Variants in SMG1 observed in about 807,000 individuals in gnomAD.
The protein encoded by SMG1 is serine/threonine-protein kinase SMG1.
In SMG1, 22 loss-of-function variants were observed where a neutral mutation model predicts 419.9. The observed-to-expected ratio is 0.05, with a 90% CI of 0.04 to 0.07. The LOEUF is 0.07. Ranked by LOEUF, SMG1 falls within the 10% of genes least tolerant of loss-of-function variation. SMG1 has a pLI of 1.00. For synonymous variants in SMG1, 1,538 were observed against 1,553.5 expected, an observed-to-expected ratio of 0.99 and a Z score of 0.23; for missense variants, 3,185 against 4,342.0, an observed-to-expected ratio of 0.73 and a Z score of 7.49.
In SMG1 at chr16:18,838,630, G is replaced by A; in HGVS notation, c.7005C>T (p.Asp2335=). 6.2e-7 allele frequency: 1 copy of A among 1,613,636 alleles called. No homozygotes were observed. The highest frequency in any genetic ancestry group is 8.5e-7 in the Non-Finnish European group (1 of 1,179,700). Residue 2335 remains aspartate, a synonymous_variant, in exon 43 of 63, where the codon GAC becomes GAT. Transcript: ENST00000446231. ...SMVGYIIGLG[D]RHLDNVLIDM... ...CTATAAGAACATTATCCAGATGTCT[G>A]TCTCCAAGGCCAATTATGTATCCAA...
At chr16:18,884,047 G>A (rs769981046) in intron 9 of SMG1, 23 bp downstream of exon 9, 1 of 1,164,064 alleles carries the variant, frequency 8.6e-7, no homozygotes, top group South Asian at 1.5e-5. Flanking sequence ...AAAATTTTAA[G>A]AAACAGCTTT....
At chr16:18,844,144 G>A (rs1047482100) in intron 39 of SMG1, among the ~76,000 whole-genome samples, 2 of 151,920 alleles carry the variant, frequency 1.3e-5, no homozygotes, top group Non-Finnish European at 1.5e-5. Flanking sequence ...ACAAGGAAAC[G>A]CAGGCCGGGA....
At chr16:18,905,145 C>T (rs1206702947) in intron 1 of SMG1, among the ~76,000 whole-genome samples, 2 of 151,998 alleles carry the variant, frequency 1.3e-5, no homozygotes, top group Non-Finnish European at 2.9e-5. Context: ...CCTGTAATCC[C>T]AGCTAGTTGG....
At position 18,843,929 on chromosome 16, in the gene SMG1, A is replaced by G. The variant is rs560661083; in HGVS notation, c.6220-1475T>C. On this transcript the variant is annotated intron_variant, in intron 39 of 62. Coordinates refer to ENST00000446231, the MANE Select transcript of SMG1 (RefSeq NM_015092.5). ...TTTTTTTTGAGCTGTACTATATCTA[A>G]AAGAGAGACACAGGTATTCTTAATT... Among the ~76,000 whole-genome samples, 38 of 152,126 alleles carry G rather than the reference A, an allele frequency of 2.5e-4. 1 individual carries two copies. Among genetic ancestry groups the G allele is most frequent in the Non-Finnish European group, 5.0e-4 (34 of 68,014 alleles).
chr16:18,814,063 AAAAAT>A (rs911249827), intron 60 of SMG1, among the ~76,000 whole-genome samples: 7 of 148,192 alleles, frequency 4.7e-5, no homozygotes, highest in Admixed American at 2.0e-4. Flanking sequence ...TAAATTAAAA[AAAAAT>A]AAAATAAAAT....
At position 18,805,505 on chromosome 16, in the gene SMG1, G is replaced by A. The variant is rs1448560304; in HGVS notation, c.*4064C>T. ...ACTTATAAAGCTTTTCTCATTAAGA[G>A]TCAGTTTTACCCTTCTGTAAATAAG... On this transcript the variant is annotated 3_prime_UTR_variant, in exon 63 of 63. Coordinates refer to ENST00000446231, the MANE Select transcript of SMG1 (RefSeq NM_015092.5). The A allele has an allele frequency of 1.3e-5, 2 of 152,102 alleles. No homozygotes were observed. The highest frequency in any genetic ancestry group is 2.4e-5 in the African/African-American group (1 of 41,410). 9.4% of individuals were successfully genotyped at this position (152,102 alleles called of 1,614,324 possible). A position where few individuals can be genotyped will look rare whatever the true frequency, so the allele number is the denominator to read the frequency against.
chr16:18,841,286 C>T lies in SMG1; in HGVS notation c.6696+279G>A, dbSNP rs1423910685. On this transcript the variant is annotated intron_variant, in intron 41 of 62. Coordinates refer to ENST00000446231, the MANE Select transcript of SMG1 (RefSeq NM_015092.5). ...GTGGTTGTGCGCCCCCCATAGTTCC[C>T]GCTACTCGGGAGCCTGTAGCAGAAT... 3.3e-5 allele frequency among the ~76,000 whole-genome samples: 5 copies of T among 151,250 alleles called. No individual in the cohort carries two copies. The South Asian group carries it at 8.4e-4, about 25-fold the overall frequency.
At chr16:18,894,132 T>C (rs1003224067) in intron 3 of SMG1, among the ~76,000 whole-genome samples, 13 of 150,678 alleles carry the variant, frequency 8.6e-5, no homozygotes, top group South Asian at 2.1e-4. Flanking sequence ...TTTTGGAGGG[T>C]AGGGGGTGGG....
Position 18,890,903 on chromosome 16 carries a change from C to A in SMG1, c.568G>T (p.Asp190Tyr), listed in dbSNP as rs1342812289. The part of the protein sequence containing the change: ...ENKLVLVKQL[D>Y]NILAAVHDVL... ...TCATGTACAGCAGCCAAGATATTAT[C>A]CAATTGTTTAACTAGTACCTTTAAA... Residue 190 changes from aspartate (D) to tyrosine (Y), a missense_variant, in exon 5 of 63, where the codon GAT (aspartate) becomes TAT (tyrosine). Physicochemically the swap from Asp to Tyr is radical, Grantham distance 160. Coordinates refer to ENST00000446231, the MANE Select transcript of SMG1 (RefSeq NM_015092.5). 6.4e-7 allele frequency: 1 copy of A among 1,564,694 alleles called. No homozygotes were observed. The highest frequency in any genetic ancestry group is 1.7e-5 in the Admixed American group (1 of 59,904).
Position 18,896,142 on chromosome 16 carries a change from G to C in SMG1, c.322C>G (p.Leu108Val). Residue 108 changes from leucine (L) to valine (V), a missense_variant, in exon 3 of 63, where the codon CTG becomes GTG. This residue lies in a region of SMG1 where 42 missense variants were observed against 100.1 expected (regional missense o/e 0.42). Coordinates refer to ENST00000446231, the MANE Select transcript of SMG1 (RefSeq NM_015092.5). ...GGGCTGGTCACATTGTTAACCCTCA[G>C]CTCTTGCCCCAACGACTTCCGACCA... ...TYGRKSLGQELRVNNVTSPEF... is the reference protein window; with the variant it reads ...TYGRKSLGQEVRVNNVTSPEF... 1.7e-5 allele frequency: 27 copies of C among 1,580,338 alleles called. No homozygotes were observed. The highest frequency in any genetic ancestry group is 2.3e-5 in the Non-Finnish European group (27 of 1,151,080).
chr16:18,836,130 C>A lies in SMG1; in HGVS notation c.7860G>T (p.Glu2620Asp). The A allele has an allele frequency of 6.2e-7, 1 of 1,609,662 alleles. No individual in the cohort carries two copies. The highest frequency in any genetic ancestry group is 8.5e-7 in the Non-Finnish European group (1 of 1,178,026). The change falls in exon 48 of 63, where the codon GAG becomes GAT. Residue 2620 changes from glutamate to aspartate, a missense_variant. By Grantham distance (45) the Glu-to-Asp change is conservative. Around this residue, in one of 27 missense-constraint regions of SMG1, gnomAD observed 412 missense variants for 546.6 expected, o/e 0.75. Transcript: ENST00000446231. ...AHLISQCEQL[E>D]GEVGALLQQR... ...GCTGCAGGAGAGCACCAACCTCCCC[C>A]TCCAGCTGCTCGCACTGGCTAATCA...
In SMG1 at chr16:18,846,732, C is replaced by T. The variant is rs117288554; in HGVS notation, c.5996+721G>A. ...AAAAAGAAAAGAAAAGAAGTGTTGC[C>T]AAGGATTAGGAGAAACTGGAACCCT... On this transcript the variant is annotated intron_variant, in intron 38 of 62. Coordinates refer to ENST00000446231, the MANE Select transcript of SMG1 (RefSeq NM_015092.5). 7.2e-3 allele frequency among the ~76,000 whole-genome samples: 1,103 copies of T among 152,206 alleles called. 6 individuals carry two copies. The highest frequency in any genetic ancestry group is 0.012 in the Non-Finnish European group (844 of 67,996).
rs2033547250 is a variant in SMG1, at chr16:18,836,049, C to G, written c.7941G>C (p.Val2647=). ...ATATGGCCTTCGGATACTGCAGGGC[C>G]ACGGTTGCATAGTGATGCAGTTGCT... ...CLEQLHHYAT[V]ALQYPKAIFQ... The change falls in exon 48 of 63, where the codon GTG becomes GTC. Residue 2647 remains valine (V), a synonymous_variant. Coordinates refer to ENST00000446231, the MANE Select transcript of SMG1 (RefSeq NM_015092.5). 2 of 1,598,308 alleles carry G rather than the reference C, an allele frequency of 1.3e-6. No individual in the cohort carries two copies. Among genetic ancestry groups the G allele is most frequent in the South Asian group, 2.3e-5 (2 of 88,346 alleles).
At position 18,882,161 on chromosome 16, in the gene SMG1, T is replaced by G. The variant is rs1596588163; in HGVS notation, c.1293+4A>C. The G allele has an allele frequency of 6.4e-7, 1 of 1,552,390 alleles. No homozygotes were observed. Among genetic ancestry groups the G allele is most frequent in the Non-Finnish European group, 8.7e-7 (1 of 1,151,064 alleles). ...TGACACTTGAAATGCCCAAAAGCAC[T>G]TACATCTGTTACATATGCCTCAGTA... is the stretch of plus-strand genomic sequence containing the variant. On this transcript the variant is annotated splice_donor_region_variant and intron_variant, in intron 10 of 62. Transcript: ENST00000446231.
In SMG1 at chr16:18,923,960, A is replaced by T. The variant is rs546746760; in HGVS notation, c.92+1990T>A. 2.2e-3 allele frequency among the ~76,000 whole-genome samples: 331 copies of T among 152,276 alleles called. 5 individuals carry two copies. The highest frequency in any genetic ancestry group is 7.3e-3 in the African/African-American group (304 of 41,564). ...CTATGACAATCTTAGCAACAAATCA[A>T]GTTATGCTATGGGGTATGTCCACAC... On this transcript the variant is annotated intron_variant, in intron 1 of 62. Transcript: ENST00000446231.
At chr16:18,902,923 C>G (rs1350867889) in intron 1 of SMG1, among the ~76,000 whole-genome samples, 2 of 152,122 alleles carry the variant, frequency 1.3e-5, no homozygotes, top group African/African-American at 4.8e-5. Flanking sequence ...CTCAAGCAAA[C>G]CTCCCACATC....
chr16:18,855,647 T>C (rs1472909895), intron 29 of SMG1, among the ~76,000 whole-genome samples: 1 of 152,204 alleles, frequency 6.6e-6, no homozygotes, highest in Non-Finnish European at 1.5e-5. Flanking sequence ...GTGAAAGTAC[T>C]TGGCCACCAT....
intron 56 of SMG1, among the ~76,000 whole-genome samples, chr16:18,817,909 T>G (rs2032156402): frequency 6.6e-6 from 1 of 152,042 alleles, no homozygotes; most frequent in Non-Finnish European, 1.5e-5. Flanking sequence ...AGTTTTTTTG[T>G]TTTTTCCCTT....
intron 16 of SMG1, 52 bp downstream of exon 16, chr16:18,871,312 C>T (rs565447315): frequency 4.2e-5 from 37 of 891,428 alleles, no homozygotes; most frequent in Admixed American, 6.5e-5. Context: ...ACCAAAGACC[C>T]TTTTAAGGAT....
Sources: allele counts gnomAD v4.1 joint callset (sites outside exome capture counted in the v4.1 genomes callset), GRCh38; gene constraint gnomAD v4.1.1; regional missense constraint gnomAD v4.1.1; transcripts MANE v1.5; gene names NCBI Gene and HGNC (gene_info 2026-07-23, HGNC 2026-07-21).